Variants in PPP3CA observed in about 807,000 individuals in gnomAD.
The protein encoded by PPP3CA is CAM-PRP catalytic subunit.
Under a neutral mutation model 66.5 loss-of-function variants are expected in PPP3CA, and 14 were observed. The observed-to-expected ratio is 0.21, with a 90% CI of 0.14 to 0.33. PPP3CA has a LOEUF of 0.33. PPP3CA is among the 10% of genes least tolerant of loss of function. PPP3CA has a pLI of 1.00. For missense variants in PPP3CA, 317 were observed against 639.5 expected, an observed-to-expected ratio of 0.50 and a Z score of 5.44; for synonymous variants, 232 against 226.2, an observed-to-expected ratio of 1.03 and a Z score of -0.23.
chr4:101,051,698 T>C (rs986143214), intron 10 of PPP3CA, among the ~76,000 whole-genome samples: 2 of 152,058 alleles, frequency 1.3e-5, no homozygotes, highest in African/African-American at 4.8e-5. Flanking sequence ...TGCATTAAGG[T>C]TTATAGGGCC....
chr4:101,141,604 C>T (rs1722809854), intron 2 of PPP3CA, among the ~76,000 whole-genome samples: 1 of 152,120 alleles, frequency 6.6e-6, no homozygotes, highest in South Asian at 2.1e-4. Flanking sequence ...TTATTGAGTA[C>T]CCTACTGAAG....
At chr4:101,113,175 C>G (rs1041162545) in intron 2 of PPP3CA, among the ~76,000 whole-genome samples, 2 of 152,232 alleles carry the variant, frequency 1.3e-5, no homozygotes, top group East Asian at 3.9e-4. Flanking sequence ...CTCCATACAT[C>G]TTATGGTTGT....
intron 2 of PPP3CA, among the ~76,000 whole-genome samples, chr4:101,112,800 T>G (rs977483053): frequency 1.1e-4 from 16 of 152,076 alleles, no homozygotes; most frequent in African/African-American, 3.9e-4. Context: ...ATTGATTTAT[T>G]TGCATGCTTG....
At chr4:101,321,492 G>A (rs6828770) in intron 1 of PPP3CA, among the ~76,000 whole-genome samples, 3,054 of 152,220 alleles carry the variant, frequency 0.02, 115 homozygotes, top group African/African-American at 0.069. Flanking sequence ...AGACCAAAAA[G>A]TCTATCAGAT....
chr4:101,231,705 T>C (rs1478658993), intron 1 of PPP3CA, among the ~76,000 whole-genome samples: 64 of 151,894 alleles, frequency 4.2e-4, no homozygotes, highest in Admixed American at 4.2e-3. Context: ...TGTCCCTCCA[T>C]GGGATCATGA....
intron 2 of PPP3CA, among the ~76,000 whole-genome samples, chr4:101,185,260 T>C (rs562554819): frequency 1.1e-4 from 16 of 152,258 alleles, no homozygotes; most frequent in African/African-American, 3.4e-4. Flanking sequence ...GATGAGAATT[T>C]TGAAGAAAGA....
intron 1 of PPP3CA, among the ~76,000 whole-genome samples, chr4:101,345,520 C>A (rs1312964891): frequency 1.3e-5 from 2 of 152,160 alleles, no homozygotes; most frequent in East Asian, 3.8e-4. Context: ...TTCAGAGGCC[C>A]GCTCCCCGCA....
intron 1 of PPP3CA, among the ~76,000 whole-genome samples, chr4:101,212,463 G>C (rs1468876617): frequency 2.0e-5 from 3 of 152,110 alleles, no homozygotes; most frequent in Non-Finnish European, 4.4e-5. Flanking sequence ...GGCTTGTCAA[G>C]GAGGGTGTTA....
chr4:101,242,624 C>T (rs1475374638), intron 1 of PPP3CA, among the ~76,000 whole-genome samples: 1 of 152,032 alleles, frequency 6.6e-6, no homozygotes. Flanking sequence ...GTGTCATTAT[C>T]GAAATATGTT....
intron 1 of PPP3CA, among the ~76,000 whole-genome samples, chr4:101,292,708 T>C (rs1261416897): frequency 6.6e-6 from 1 of 152,162 alleles, no homozygotes; most frequent in Non-Finnish European, 1.5e-5. Context: ...TGGAAGTAAG[T>C]ATAGCTTTTG....
At chr4:101,125,961 T>A (rs1722231895) in intron 2 of PPP3CA, among the ~76,000 whole-genome samples, 1 of 152,226 alleles carries the variant, frequency 6.6e-6, no homozygotes, top group Admixed American at 6.5e-5. Context: ...TTCATGGATA[T>A]CTTTTTTCAT....
At chr4:101,324,154 GAGGAAGGAAGGAAGGAAGGAAGGAAGGA>G (rs72209493) in intron 1 of PPP3CA, among the ~76,000 whole-genome samples, 50 of 66,414 alleles carry the variant, frequency 7.5e-4, no homozygotes, top group African/African-American at 1.6e-3. Flanking sequence ...GGAAGGGAGG[GAGGAAGGAAGGAAGGAAGGAAGGAAGGA>G]AGGAAGGAAG....
intron 2 of PPP3CA, among the ~76,000 whole-genome samples, chr4:101,116,599 C>T (rs755397619): frequency 6.6e-6 from 1 of 151,660 alleles, no homozygotes; most frequent in Non-Finnish European, 1.5e-5. Context: ...AACCAGCTAG[C>T]CAGCTATGTG....
At chr4:101,148,081 TC>T (rs1250618137) in intron 2 of PPP3CA, among the ~76,000 whole-genome samples, 1 of 152,122 alleles carries the variant, frequency 6.6e-6, no homozygotes, top group Non-Finnish European at 1.5e-5. Context: ...TAACAGTTTT[TC>T]CCTTAGGATA....
intron 1 of PPP3CA, among the ~76,000 whole-genome samples, chr4:101,278,122 T>TAAAAAAAAAAAAAA (rs3077992): frequency 4.6e-4 from 52 of 112,122 alleles, no homozygotes; most frequent in African/African-American, 1.3e-3. Context: ...AAGCTATTAG[T>TAAAAAAAAAAAAAA]AAAAAAAAAA....
chr4:101,261,455 T>C (rs1727006968), intron 1 of PPP3CA, among the ~76,000 whole-genome samples: 1 of 152,122 alleles, frequency 6.6e-6, no homozygotes, highest in Non-Finnish European at 1.5e-5. Flanking sequence ...CTGTCTACCA[T>C]AATGTAACAT....
chr4:101,335,924 G>A (rs1308574198), intron 1 of PPP3CA, among the ~76,000 whole-genome samples: 7 of 152,220 alleles, frequency 4.6e-5, no homozygotes, highest in African/African-American at 1.7e-4. Flanking sequence ...CTAGAAACTG[G>A]CCGGGCATGG....
chr4:101,244,958 C>CA (rs1726430929), intron 1 of PPP3CA, among the ~76,000 whole-genome samples: 1 of 142,128 alleles, frequency 7.0e-6, no homozygotes, highest in Admixed American at 6.9e-5. Flanking sequence ...GCGTCACTGA[C>CA]AAAAAAGAAA....
chr4:101,332,410 G>A (rs570901875), intron 1 of PPP3CA, among the ~76,000 whole-genome samples: 1 of 152,314 alleles, frequency 6.6e-6, no homozygotes, highest in East Asian at 1.9e-4. Context: ...GAAAGCCAAT[G>A]AGGACAACCT....
Sources: allele counts gnomAD v4.1 joint callset (sites outside exome capture counted in the v4.1 genomes callset), GRCh38; gene constraint gnomAD v4.1.1; transcripts MANE v1.5; gene names NCBI Gene and HGNC (gene_info 2026-07-23, HGNC 2026-07-21).